The following GRAMD1C variants were observed in gnomAD, a reference collection of about 807,000 sequenced individuals.
The protein encoded by GRAMD1C is GRAM domain containing 1C, also known as protein Aster-C.
A neutral mutation model predicts 97.8 loss-of-function variants in GRAMD1C; 89 were observed. That is an observed-to-expected ratio of 0.91 (90% CI 0.77 to 1.09). The LOEUF is 1.09. GRAMD1C is among the 50% of genes least tolerant of loss of function. The probability of loss-of-function intolerance (pLI) is 0.00; values close to 1 mark genes in which losing one functional copy is unlikely to be tolerated. For synonymous variants in GRAMD1C, 256 were observed against 267.0 expected (o/e 0.96, Z 0.40); for missense variants, 740 against 766.4 (o/e 0.97, Z 0.41).
chr3:113,865,636 AT>A (rs1328911808), intron 2 of GRAMD1C, among the ~76,000 whole-genome samples: 4 of 152,248 alleles, frequency 2.6e-5, no homozygotes, highest in East Asian at 1.9e-4. Context: ...CAAATGTTAA[AT>A]TTTAAAAAAA....
At chr3:113,884,098 T>C (rs777748802) in intron 6 of GRAMD1C, among the ~76,000 whole-genome samples, 62 of 152,200 alleles carry the variant, frequency 4.1e-4, no homozygotes, top group Non-Finnish European at 7.6e-4. Flanking sequence ...AACACCACTA[T>C]AGACTAACTA....
intron 4 of GRAMD1C, chr3:113,875,827 A>G (rs951847995): frequency 4.9e-6 from 2 of 406,334 alleles, no homozygotes; most frequent in Admixed American, 8.2e-5. Context: ...AAAAGCTTGA[A>G]CATATATCTT....
At chr3:113,833,063 T>C (rs1459503042) in intron 1 of GRAMD1C, among the ~76,000 whole-genome samples, 1 of 152,126 alleles carries the variant, frequency 6.6e-6, no homozygotes, top group African/African-American at 2.4e-5. Context: ...CCCCAAGTGA[T>C]ACTGGTAATA....
At chr3:113,906,084 G>A (rs4682511) in intron 8 of GRAMD1C, among the ~76,000 whole-genome samples, 31,381 of 152,114 alleles carry the variant, frequency 0.21, 3,272 homozygotes, top group African/African-American at 0.24. Flanking sequence ...TTGCTCACAT[G>A]TTTGTGGTGA....
In GRAMD1C at chr3:113,885,192, C is replaced by A. The variant is rs577986556; in HGVS notation, c.540+2360C>A. The A allele has an allele frequency of 5.4e-5, 37 of 680,386 alleles. No homozygotes were observed. In the South Asian group the frequency reaches 5.8e-4, roughly 11 times the overall value. 42.1% of individuals were successfully genotyped at this position (680,386 alleles called of 1,614,324 possible). A position where few individuals can be genotyped will look rare whatever the true frequency, so the allele number is the denominator to read the frequency against. ...TGCCCCTCTCTGCATTCTCTCCTGC[C>A]ACTTGGGGCCCCCGTTCCCCCTCCC... On this transcript the variant is annotated intron_variant, in intron 6 of 17. Transcript: ENST00000358160.
intron 6 of GRAMD1C, among the ~76,000 whole-genome samples, chr3:113,898,110 T>C (rs1457984688): frequency 6.6e-6 from 1 of 152,184 alleles, no homozygotes. Context: ...TATATTGTGA[T>C]TACCCTGCTA....
In GRAMD1C at chr3:113,933,544, T is replaced by C. The variant is rs1272732984; in HGVS notation, c.1243T>C (p.Tyr415His). 1.9e-6 allele frequency: 3 copies of C among 1,611,806 alleles called. No individual in the cohort carries two copies. The highest frequency in any genetic ancestry group is 3.3e-5 in the Admixed American group (2 of 60,016). ...LYKESREARF[Y>H]LVDSEVLTHD... Reference sequence around the variant, plus strand: ...TAAAGAAAGTCGGGAAGCACGATTTTATTTGGTAGATTCAGAAGTACTGAC... The same window carrying C: ...TAAAGAAAGTCGGGAAGCACGATTTCATTTGGTAGATTCAGAAGTACTGAC... The change falls in exon 12 of 18, where the codon TAT (tyrosine) becomes CAT (histidine). Residue 415 changes from tyrosine (Y) to histidine (H), a missense_variant. Coordinates refer to ENST00000358160, the MANE Select transcript of GRAMD1C (RefSeq NM_017577.5).
At chr3:113,887,466 C>G (rs562635686) in intron 6 of GRAMD1C, among the ~76,000 whole-genome samples, 1 of 151,690 alleles carries the variant, frequency 6.6e-6, no homozygotes, top group East Asian at 2.0e-4. Context: ...TTTGGGAGGC[C>G]GAGGTGGGTG....
chr3:113,945,336 CAG>C (rs5851910), intron 17 of GRAMD1C, 60 bp from the exon 18 acceptor site: 390,954 of 1,114,748 alleles, frequency 0.35, 68,959 homozygotes, highest in Middle Eastern at 0.43. Context: ...GCATAAAAAA[CAG>C]AAATTTTCAA....
At position 113,860,028 on chromosome 3, in the gene GRAMD1C, AT is replaced by A. The variant is rs535040679; in HGVS notation, c.175-9468del. On this transcript the variant is annotated intron_variant, in intron 2 of 17. Coordinates refer to ENST00000358160, the MANE Select transcript of GRAMD1C (RefSeq NM_017577.5). ...TATCAAATGAATAAAATAGGAATAA[AT>A]TTTTTTTTTTGACATGGAGGCTTGC... 6.0e-4 allele frequency among the ~76,000 whole-genome samples: 89 copies of A among 149,482 alleles called. 1 individual carries two copies. The highest frequency in any genetic ancestry group is 9.4e-4 in the Non-Finnish European group (63 of 67,082).
At chr3:113,871,812 G>A (rs540560764) in intron 3 of GRAMD1C, among the ~76,000 whole-genome samples, 9 of 147,626 alleles carry the variant, frequency 6.1e-5, no homozygotes, top group Admixed American at 1.4e-4. Flanking sequence ...ATGGTGGCAT[G>A]CACCTGTAGT....
At chr3:113,837,495 T>C (rs1489537678), upstream of GRAMD1C, among the ~76,000 whole-genome samples, 1 of 152,200 alleles carries the variant, frequency 6.6e-6, no homozygotes, top group African/African-American at 2.4e-5. Flanking sequence ...AAGATTTACA[T>C]TGTTTCAATC....
In GRAMD1C at chr3:113,941,067, A is replaced by G. The variant is rs544442126; in HGVS notation, c.1908+722A>G. Among the ~76,000 whole-genome samples the G allele has an allele frequency of 9.3e-4, 142 of 152,224 alleles. 2 individuals carry two copies. The highest frequency in any genetic ancestry group is 3.3e-3 in the African/African-American group (135 of 41,526). Reference sequence around the variant, plus strand: ...TGTCTGTGTGTGTCTTCTGTTTCCTATATCCTGTGTTTTCCTTTCTTAGTT... The same window carrying G: ...TGTCTGTGTGTGTCTTCTGTTTCCTGTATCCTGTGTTTTCCTTTCTTAGTT... On this transcript the variant is annotated intron_variant, in intron 17 of 17. Transcript: ENST00000358160.
chr3:113,857,604 C>G (rs758267702), intron 2 of GRAMD1C, among the ~76,000 whole-genome samples: 25 of 152,070 alleles, frequency 1.6e-4, no homozygotes, highest in Non-Finnish European at 3.5e-4. Context: ...TCTCGATCGC[C>G]TGACCTCGTG....
chr3:113,853,876 C>T (rs566113351), intron 2 of GRAMD1C, among the ~76,000 whole-genome samples: 1 of 151,878 alleles, frequency 6.6e-6, no homozygotes, highest in Non-Finnish European at 1.5e-5. Context: ...ATGATGGGGG[C>T]GGGTGAGAGA....
chr3:113,874,230 A>G (rs749858845), intron 3 of GRAMD1C, among the ~76,000 whole-genome samples: 12 of 152,208 alleles, frequency 7.9e-5, no homozygotes, highest in Non-Finnish European at 1.3e-4. Flanking sequence ...TGTATCTTAT[A>G]TTACTAATAA....
intron 3 of GRAMD1C, among the ~76,000 whole-genome samples, chr3:113,873,596 G>A (rs940134366): frequency 2.0e-5 from 3 of 151,898 alleles, no homozygotes; most frequent in Non-Finnish European, 4.4e-5. Context: ...TCAGCTCACT[G>A]TAACCTTTGC....
chr3:113,842,972 A>AG (rs1933419902), intron 1 of GRAMD1C, among the ~76,000 whole-genome samples: 1 of 151,036 alleles, frequency 6.6e-6, no homozygotes, highest in African/African-American at 2.4e-5. Context: ...CAAAAAAAAA[A>AG]CAAAACAAAA....
At position 113,946,551 on chromosome 3, in the gene GRAMD1C, A is replaced by G; in HGVS notation, c.*1073A>G. 6.6e-6 allele frequency: 1 copy of G among 152,364 alleles called. No homozygotes were observed. The highest frequency in any genetic ancestry group is 2.4e-5 in the African/African-American group (1 of 41,588). 9.4% of individuals were successfully genotyped at this position (152,364 alleles called of 1,614,324 possible). On this transcript the variant is annotated 3_prime_UTR_variant, in exon 18 of 18. Transcript: ENST00000358160. ...CTCCATACAAGTGGCTCATTAAAAT[A>G]AGAACTTTGTAAACTGACTTAAAAT...
Sources: gnomAD v4.1 joint callset for allele counts (sites outside exome capture counted in the v4.1 genomes callset) on GRCh38, gnomAD v4.1.1 for gene constraint, MANE v1.5 for transcripts, NCBI Gene and HGNC (gene_info 2026-07-23, HGNC 2026-07-21) for gene names.